KIAA0825: variants seen among roughly 807,000 people sequenced by gnomAD.
The protein encoded by KIAA0825 is KIAA0825.
A neutral mutation model predicts 147.6 loss-of-function variants in KIAA0825; 119 were observed. That is an observed-to-expected ratio of 0.81 (90% CI 0.69 to 0.94). KIAA0825 has a LOEUF of 0.94. Among genes scored for constraint, KIAA0825 ranks in the 40% least tolerant of loss-of-function variants. The pLI is 0.00. For synonymous variants in KIAA0825, 470 were observed against 518.1 expected (o/e 0.91, Z 1.26); for missense variants, 1,381 against 1,472.7 (o/e 0.94, Z 1.02).
chr5:94,537,531 G>C (rs1044006588), intron 2 of KIAA0825, among the ~76,000 whole-genome samples: 7 of 150,896 alleles, frequency 4.6e-5, no homozygotes, highest in African/African-American at 1.5e-4. Flanking sequence ...GGCGCCTGTA[G>C]TCCCAGCTAC....
chr5:94,328,587 CAT>C (rs1277304143), intron 20 of KIAA0825, among the ~76,000 whole-genome samples: 2 of 151,910 alleles, frequency 1.3e-5, no homozygotes, highest in Admixed American at 6.6e-5. Context: ...GGAATAAAGT[CAT>C]ATGATCAATT....
At chr5:94,247,699 T>A (rs533298548) in intron 20 of KIAA0825, among the ~76,000 whole-genome samples, 1 of 152,260 alleles carries the variant, frequency 6.6e-6, no homozygotes, top group South Asian at 2.1e-4. Flanking sequence ...ATATTTCCAG[T>A]GCTAGTGTAA....
chr5:94,292,069 T>A (rs1777924817), intron 20 of KIAA0825, among the ~76,000 whole-genome samples: 1 of 152,202 alleles, frequency 6.6e-6, no homozygotes, highest in African/African-American at 2.4e-5. Flanking sequence ...ACAATTTGAC[T>A]TTCTCTCTTC....
intron 3 of KIAA0825, among the ~76,000 whole-genome samples, chr5:94,531,496 G>T (rs1029925874): frequency 2.0e-5 from 3 of 152,158 alleles, no homozygotes; most frequent in Non-Finnish European, 4.4e-5. Context: ...TATGAATGGG[G>T]CCAGAAAAAG....
intron 20 of KIAA0825, among the ~76,000 whole-genome samples, chr5:94,262,468 C>A (rs1266944737): frequency 6.6e-6 from 1 of 151,978 alleles, no homozygotes; most frequent in African/African-American, 2.4e-5. Flanking sequence ...TATTAGTATA[C>A]CTACACAAAG....
At chr5:94,586,414 C>A (rs1222054401) in intron 1 of KIAA0825, among the ~76,000 whole-genome samples, 1 of 152,204 alleles carries the variant, frequency 6.6e-6, no homozygotes, top group Non-Finnish European at 1.5e-5. Context: ...ATAAACACCT[C>A]TATGCAAATA....
At position 94,512,882 on chromosome 5, in the gene KIAA0825, C is replaced by T. The variant is rs149010783; in HGVS notation, c.970+7366G>A. Among the ~76,000 whole-genome samples the T allele has an allele frequency of 5.9e-3, 891 of 151,870 alleles. 13 individuals are homozygous for T. Among genetic ancestry groups the T allele is most frequent in the African/African-American group, 0.02 (819 of 41,408 alleles). On this transcript the variant is annotated intron_variant, in intron 5 of 20. Coordinates refer to ENST00000682413, the MANE Select transcript of KIAA0825 (RefSeq NM_001145678.3). ...CTGCACTCCAGCCTGAGCGATAGAGCGAGACTCCATCTTATAAATAAATAA... is the reference window on the plus strand; with the variant it reads ...CTGCACTCCAGCCTGAGCGATAGAGTGAGACTCCATCTTATAAATAAATAA...
chr5:94,535,493 C>CAAA (rs11362220), intron 3 of KIAA0825, among the ~76,000 whole-genome samples: 7 of 32,134 alleles, frequency 2.2e-4, no homozygotes, highest in East Asian at 1.5e-3. Context: ...CTGGGTGACT[C>CAAA]AAAAAAAAAA....
At position 94,340,952 on chromosome 5, in the gene KIAA0825, C is replaced by T. The variant is rs145246648; in HGVS notation, c.3710+43416G>A. On this transcript the variant is annotated intron_variant, in intron 20 of 20. Coordinates refer to ENST00000682413, the MANE Select transcript of KIAA0825 (RefSeq NM_001145678.3). ...AAAGAACATGGTCTTCATAGACCTA[C>T]ATATTTACCTTCCATTCTTTCTAAG... Among the ~76,000 whole-genome samples the T allele has an allele frequency of 2.2e-3, 340 of 152,336 alleles. 1 individual carries two copies. Among genetic ancestry groups the T allele is most frequent in the African/African-American group, 7.7e-3 (322 of 41,584 alleles).
chr5:94,469,386 G>A (rs1760937852), intron 10 of KIAA0825, among the ~76,000 whole-genome samples: 1 of 152,054 alleles, frequency 6.6e-6, no homozygotes, highest in Admixed American at 6.6e-5. Context: ...TGGCCAGGCT[G>A]GTCTCAAACC....
At chr5:94,294,776 C>T (rs1210296303) in intron 20 of KIAA0825, among the ~76,000 whole-genome samples, 1 of 152,180 alleles carries the variant, frequency 6.6e-6, no homozygotes, top group Non-Finnish European at 1.5e-5. Flanking sequence ...TGTAGGGTTT[C>T]CGCAGAGAGA....
At chr5:94,164,430 T>C (rs184647023) in intron 20 of KIAA0825, among the ~76,000 whole-genome samples, 1,836 of 150,758 alleles carry the variant, frequency 0.012, 22 homozygotes, top group Non-Finnish European at 0.02. Flanking sequence ...TTTTTTTTTT[T>C]AGACAGAGTC....
At chr5:94,282,734 C>G (rs1055339442) in intron 20 of KIAA0825, among the ~76,000 whole-genome samples, 6 of 151,954 alleles carry the variant, frequency 3.9e-5, no homozygotes, top group Non-Finnish European at 7.4e-5. Flanking sequence ...CAACCTGCCT[C>G]TGTAATGTAA....
intron 14 of KIAA0825, among the ~76,000 whole-genome samples, chr5:94,431,072 GAC>G (rs935869593): frequency 1.3e-5 from 2 of 152,136 alleles, no homozygotes; most frequent in African/African-American, 4.8e-5. Context: ...CACAGGCAGA[GAC>G]CATTGCATAG....
At chr5:94,277,370 G>T (rs1191516334) in intron 20 of KIAA0825, among the ~76,000 whole-genome samples, 3 of 151,932 alleles carry the variant, frequency 2.0e-5, no homozygotes, top group African/African-American at 7.3e-5. Flanking sequence ...CTGACAAAGG[G>T]CTAATATCCA....
At chr5:94,357,485 G>A (rs998745826) in intron 20 of KIAA0825, among the ~76,000 whole-genome samples, 5 of 152,330 alleles carry the variant, frequency 3.3e-5, no homozygotes, top group Middle Eastern at 3.4e-3. Flanking sequence ...TTTTATAGAA[G>A]TTTGGAGGAA....
chr5:94,548,953 AGAGAG>A (rs1177143632), intron 2 of KIAA0825, among the ~76,000 whole-genome samples: 2 of 152,036 alleles, frequency 1.3e-5, no homozygotes, highest in Non-Finnish European at 2.9e-5. Flanking sequence ...TTAGAGCTAA[AGAGAG>A]AGAGAGACCT....
chr5:94,471,950 C>A lies in KIAA0825; in HGVS notation c.1456-219G>T, dbSNP rs17083728. ...TGCTTCTCTCTATATAACTTTCAAA[C>A]CTTATGCTTACCAGACAGACATTAG... On this transcript the variant is annotated intron_variant, in intron 8 of 20. Coordinates refer to ENST00000682413, the MANE Select transcript of KIAA0825 (RefSeq NM_001145678.3). Among the ~76,000 whole-genome samples the A allele has an allele frequency of 6.5e-3, 985 of 152,268 alleles. 9 individuals carry two copies. Among genetic ancestry groups the A allele is most frequent in the African/African-American group, 0.023 (937 of 41,544 alleles).
chr5:94,479,722 A>G (rs1200804265), intron 6 of KIAA0825, among the ~76,000 whole-genome samples: 1 of 152,142 alleles, frequency 6.6e-6, no homozygotes, highest in Non-Finnish European at 1.5e-5. Flanking sequence ...AACAGCAATG[A>G]ATGAGAGTTG....
Sources: gnomAD v4.1 joint callset for allele counts (sites outside exome capture counted in the v4.1 genomes callset) on GRCh38, gnomAD v4.1.1 for gene constraint, MANE v1.5 for transcripts, NCBI Gene and HGNC (gene_info 2026-07-23, HGNC 2026-07-21) for gene names.